Variants in BLTP1 observed in about 807,000 individuals in gnomAD.
BLTP1 encodes the protein fragile site-associated protein.
the BLTP1 span, chr4:122,244,561 AT>A: frequency 9.7e-5 from 49 of 506,740 alleles, no homozygotes; most frequent in Admixed American, 5.2e-4. Flanking sequence ...ACATATTATT[AT>A]ATAAAACTAA....
chr4:122,270,636 A>AC, the BLTP1 span, among the ~76,000 whole-genome samples: 4,295 of 114,434 alleles, frequency 0.038, 137 homozygotes, highest in African/African-American at 0.11. Flanking sequence ...TATTAGATAC[A>AC]GATTGTAGGA....
the BLTP1 span, chr4:122,224,497 G>T: frequency 6.2e-7 from 1 of 1,609,196 alleles, no homozygotes; most frequent in African/African-American, 1.3e-5. Flanking sequence ...ATTGTTTTCA[G>T]CAGCGACCCC....
chr4:122,269,399 C>T, the BLTP1 span: 1 of 985,124 alleles, frequency 1.0e-6, no homozygotes, highest in Non-Finnish European at 1.2e-6. Context: ...GTGAGAGCTT[C>T]TTTGAGTGAT....
chr4:122,328,572 A>AT, the BLTP1 span: 516 of 791,050 alleles, frequency 6.5e-4, no homozygotes, highest in Admixed American at 3.0e-3. Flanking sequence ...TTAAATTTAA[A>AT]TTTTTTTTTC....
chr4:122,298,152 C>A, the BLTP1 span: 1 of 729,724 alleles, frequency 1.4e-6, no homozygotes, highest in Non-Finnish European at 1.7e-6. Context: ...TGTTTTGATT[C>A]TTATTACTTA....
chr4:122,286,699 T>A, the BLTP1 span: 4 of 1,613,974 alleles, frequency 2.5e-6, no homozygotes, highest in East Asian at 8.9e-5. Flanking sequence ...ACATGATAGT[T>A]ATTCGGATCA....
chr4:122,220,139 G>A, the BLTP1 span: 620 of 184,156 alleles, frequency 3.4e-3, 2 homozygotes, highest in Middle Eastern at 8.2e-3. Flanking sequence ...TGGTGGGGCC[G>A]GTGGCCCTCT....
chr4:122,240,249 A>C, the BLTP1 span: 2 of 1,614,154 alleles, frequency 1.2e-6, no homozygotes, highest in East Asian at 2.2e-5. Context: ...CCCAACCAAC[A>C]AAAGAACCTC....
chr4:122,191,756 A>G, the BLTP1 span, among the ~76,000 whole-genome samples: 2 of 152,132 alleles, frequency 1.3e-5, no homozygotes, highest in Admixed American at 6.5e-5. Context: ...TTCTATCTAC[A>G]TATCTTTACG....
the BLTP1 span, among the ~76,000 whole-genome samples, chr4:122,223,281 A>G: frequency 6.6e-6 from 1 of 152,180 alleles, no homozygotes; most frequent in Non-Finnish European, 1.5e-5. Context: ...CCCAACATAT[A>G]TTGAAAGCAA....
chr4:122,327,433 A>G, the BLTP1 span, among the ~76,000 whole-genome samples: 2 of 151,666 alleles, frequency 1.3e-5, no homozygotes, highest in Non-Finnish European at 3.0e-5. Flanking sequence ...TTATTGTACT[A>G]TTATTTTTAT....
the BLTP1 span, chr4:122,328,374 T>C: frequency 1.3e-6 from 2 of 1,591,272 alleles, no homozygotes; most frequent in South Asian, 2.2e-5. Flanking sequence ...AACCTTATTT[T>C]AAGATCATAA....
chr4:122,195,927 C>A, the BLTP1 span, among the ~76,000 whole-genome samples: 1 of 152,224 alleles, frequency 6.6e-6, no homozygotes, highest in South Asian at 2.1e-4. Context: ...TAGACTGGCA[C>A]CTTCTTTGAA....
the BLTP1 span, chr4:122,269,510 C>T: frequency 1.0e-6 from 1 of 985,250 alleles, no homozygotes; most frequent in Non-Finnish European, 1.2e-6. Context: ...ACAACTAACT[C>T]ATGATCAGCT....
the BLTP1 span, chr4:122,178,187 C>A: frequency 1.2e-6 from 1 of 847,996 alleles, no homozygotes; most frequent in Non-Finnish European, 1.4e-6. Flanking sequence ...AGACCTATAC[C>A]AGTAGAAATT....
chr4:122,208,149 C>G, the BLTP1 span: 12 of 958,962 alleles, frequency 1.3e-5, no homozygotes, highest in Non-Finnish European at 1.5e-5. Context: ...CATATAGAAA[C>G]AGCTAACATC....
At chr4:122,194,603 C>G in the BLTP1 span, 4 of 977,698 alleles carry the variant, frequency 4.1e-6, no homozygotes, top group Non-Finnish European at 4.9e-6. Flanking sequence ...GTTGGCAGAA[C>G]AGTTATGTAT....
At chr4:122,277,176 A>C in the BLTP1 span, 1 of 699,638 alleles carries the variant, frequency 1.4e-6, no homozygotes, top group Non-Finnish European at 1.8e-6. Flanking sequence ...GTCTCTACAA[A>C]AAATTTAAAA....
At chr4:122,179,271 A>G in the BLTP1 span, among the ~76,000 whole-genome samples, 12 of 151,884 alleles carry the variant, frequency 7.9e-5, no homozygotes, top group South Asian at 2.5e-3. Flanking sequence ...TTTCTCTAAA[A>G]AATAAATAAA....
Sources: allele counts gnomAD v4.1 joint callset (sites outside exome capture counted in the v4.1 genomes callset), GRCh38; gene constraint gnomAD v4.1.1; transcripts MANE v1.5; gene names NCBI Gene and HGNC (gene_info 2026-07-23, HGNC 2026-07-21).